Variants in FRYL observed in about 807,000 individuals in gnomAD.
The protein encoded by FRYL is FRY like transcription coactivator.
A neutral mutation model predicts 351.2 loss-of-function variants in FRYL; 150 were observed. The observed-to-expected ratio is 0.43, with a 90% confidence interval of 0.37 to 0.49. FRYL has a LOEUF of 0.49. Among genes scored for constraint, FRYL ranks in the 20% least tolerant of loss-of-function variants. The pLI is 0.00. For missense variants in FRYL, 3,036 were observed against 3,619.3 expected, an observed-to-expected ratio of 0.84 and a Z score of 4.13; for synonymous variants, 1,153 against 1,257.1, an observed-to-expected ratio of 0.92 and a Z score of 1.75.
chr4:48,696,960 C>T (rs1209383261), intron 2 of FRYL, among the ~76,000 whole-genome samples: 1 of 151,980 alleles, frequency 6.6e-6, no homozygotes, highest in Non-Finnish European at 1.5e-5. Context: ...CTCAAACAAT[C>T]TCTGCTTTTG....
At chr4:48,699,756 T>C (rs1295151150) in intron 2 of FRYL, among the ~76,000 whole-genome samples, 2 of 151,254 alleles carry the variant, frequency 1.3e-5, no homozygotes, top group African/African-American at 4.8e-5. Flanking sequence ...CTCTTTTCCT[T>C]TTTCCTCCTC....
chr4:48,757,207 T>G (rs772416343), intron 1 of FRYL, among the ~76,000 whole-genome samples: 6 of 152,216 alleles, frequency 3.9e-5, no homozygotes, highest in Admixed American at 3.9e-4. Flanking sequence ...ATGCCCTCTC[T>G]CACCACTCAT....
intron 2 of FRYL, among the ~76,000 whole-genome samples, chr4:48,709,071 C>A (rs2149587962): frequency 6.6e-6 from 1 of 152,136 alleles, no homozygotes; most frequent in South Asian, 2.1e-4. Flanking sequence ...ACAGCGCCCG[C>A]CACCACGCCT....
At chr4:48,684,088 G>C (rs1247027137) in intron 3 of FRYL, among the ~76,000 whole-genome samples, 3 of 152,084 alleles carry the variant, frequency 2.0e-5, no homozygotes, top group Non-Finnish European at 4.4e-5. Context: ...GAGAGCAAGG[G>C]GTTAAGGTAA....
At chr4:48,527,450 A>G (rs772077249) in intron 53 of FRYL, 27 bp downstream of exon 53, 2 of 1,572,294 alleles carry the variant, frequency 1.3e-6, no homozygotes, top group South Asian at 2.3e-5. Flanking sequence ...TTCTATAAAT[A>G]TTAACAGAGA....
At chr4:48,594,743 G>A (rs1942267041) in intron 15 of FRYL, among the ~76,000 whole-genome samples, 2 of 152,278 alleles carry the variant, frequency 1.3e-5, no homozygotes, top group Middle Eastern at 3.4e-3. Flanking sequence ...AGTTGAAAGA[G>A]AATGCAATCA....
At chr4:48,507,897 G>C (rs376886891) in intron 59 of FRYL, among the ~76,000 whole-genome samples, 6 of 152,314 alleles carry the variant, frequency 3.9e-5, no homozygotes, top group African/African-American at 1.4e-4. Flanking sequence ...GGGAGACTGA[G>C]AAGGTCGGCA....
rs1412950896 is a variant in FRYL, at chr4:48,651,893, C to CAG, written c.-80-17405_-80-17404dup. On this transcript the variant is annotated intron_variant, in intron 3 of 63. Coordinates refer to ENST00000358350, the MANE Select transcript of FRYL (RefSeq NM_015030.2). ...TTTCCAGGGCTACAGCAGACAAGGA[C>CAG]AGAGCCCTGCTGAACACTGAGACTA... Among the ~76,000 whole-genome samples, 4 of 152,328 alleles carry CAG rather than the reference C, an allele frequency of 2.6e-5. No individual in the cohort carries two copies. The East Asian group carries it at 7.7e-4, about 29-fold the overall frequency.
intron 2 of FRYL, among the ~76,000 whole-genome samples, chr4:48,709,778 C>A (rs557041000): frequency 2.0e-5 from 3 of 152,288 alleles, no homozygotes; most frequent in Admixed American, 2.0e-4. Flanking sequence ...AGAACTAGAG[C>A]TAAAATGTAC....
intron 53 of FRYL, among the ~76,000 whole-genome samples, chr4:48,526,170 A>G (rs1219162667): frequency 6.6e-6 from 1 of 152,218 alleles, no homozygotes. Context: ...TGAGAGCTAA[A>G]TGTATTTGAG....
chr4:48,534,887 G>A (rs1728522245), intron 48 of FRYL, among the ~76,000 whole-genome samples: 1 of 152,066 alleles, frequency 6.6e-6, no homozygotes, highest in Non-Finnish European at 1.5e-5. Context: ...AGAATTAGAC[G>A]ATAACTTTTC....
At chr4:48,551,380 A>T in intron 37 of FRYL, 114 bp downstream of exon 37, 1 of 575,446 alleles carries the variant, frequency 1.7e-6, no homozygotes, top group Non-Finnish European at 2.9e-6. Flanking sequence ...TATTTTTTTC[A>T]CTCGAATTTT....
intron 3 of FRYL, among the ~76,000 whole-genome samples, chr4:48,664,142 G>A (rs959322125): frequency 6.6e-6 from 1 of 152,218 alleles, no homozygotes; most frequent in East Asian, 1.9e-4. Flanking sequence ...TATCCACTGG[G>A]CTCTTCCATT....
At chr4:48,756,790 A>C (rs1560361066) in intron 1 of FRYL, among the ~76,000 whole-genome samples, 1 of 152,150 alleles carries the variant, frequency 6.6e-6, no homozygotes, top group Non-Finnish European at 1.5e-5. Flanking sequence ...TCTACAAAAA[A>C]TTTAAAAAGT....
At chr4:48,750,521 T>C (rs1773143984) in intron 1 of FRYL, among the ~76,000 whole-genome samples, 1 of 152,044 alleles carries the variant, frequency 6.6e-6, no homozygotes, top group African/African-American at 2.4e-5. Context: ...GTAGGCACTG[T>C]TCTATTGCAG....
At chr4:48,722,836 C>T (rs1458896934) in intron 1 of FRYL, among the ~76,000 whole-genome samples, 2 of 152,062 alleles carry the variant, frequency 1.3e-5, no homozygotes, top group South Asian at 2.1e-4. Context: ...CATCATGATA[C>T]ACAATAAGAC....
chr4:48,525,635 A>G (rs1254153008), intron 53 of FRYL, among the ~76,000 whole-genome samples: 1 of 152,224 alleles, frequency 6.6e-6, no homozygotes, highest in Non-Finnish European at 1.5e-5. Context: ...ATGTATATGT[A>G]CATGAGAGTT....
chr4:48,506,580 C>CT (rs1049421366), intron 59 of FRYL: 77 of 116,906 alleles, frequency 6.6e-4, no homozygotes, highest in African/African-American at 2.5e-3. Flanking sequence ...CTTCTAAGTT[C>CT]TTTTTTTTAA....
chr4:48,616,681 G>A (rs1749529420), intron 7 of FRYL, among the ~76,000 whole-genome samples: 1 of 152,086 alleles, frequency 6.6e-6, no homozygotes, highest in African/African-American at 2.4e-5. Flanking sequence ...AATTATTCAA[G>A]ATACAAATAA....
Sources: gnomAD v4.1 joint callset for allele counts (sites outside exome capture counted in the v4.1 genomes callset) on GRCh38, gnomAD v4.1.1 for gene constraint, MANE v1.5 for transcripts, NCBI Gene and HGNC (gene_info 2026-07-23, HGNC 2026-07-21) for gene names.